The following MAP3K4 variants were observed in gnomAD, a reference collection of about 807,000 sequenced individuals.
The protein encoded by MAP3K4 is mitogen-activated protein kinase kinase kinase 4, also known as MAP three kinase 1.
MAP3K4 carries 67 observed loss-of-function variants against 185.6 expected under a neutral mutation model. The ratio of observed to expected loss-of-function variants is 0.36; its 90% confidence interval spans 0.30 to 0.44. MAP3K4 has a LOEUF of 0.44. MAP3K4 is among the 20% of genes least tolerant of loss of function. MAP3K4 has a pLI of 1.00. For missense variants in MAP3K4, 1,551 were observed against 1,995.1 expected (o/e 0.78, Z 4.24); for synonymous variants, 702 against 710.4 (o/e 0.99, Z 0.19).
intron 2 of MAP3K4, among the ~76,000 whole-genome samples, chr6:161,044,292 C>T (rs1474638463): frequency 3.9e-5 from 6 of 152,172 alleles, no homozygotes; most frequent in Non-Finnish European, 8.8e-5. Flanking sequence ...TTCTATATAG[C>T]TAACTCCTGT....
chr6:161,077,313 TAAAG>T lies in MAP3K4; in HGVS notation c.2098-3564_2098-3561del, dbSNP rs1785224379. Among the ~76,000 whole-genome samples, 2 of 152,158 alleles carry T rather than the reference TAAAG, an allele frequency of 1.3e-5. No homozygotes were observed. Among genetic ancestry groups the T allele is most frequent in the Admixed American group, 6.5e-5 (1 of 15,276 alleles). ...GTACCCCGGAACTTAAAATAAAAAT[TAAAG>T]AAAAATCAACAAGAACATATCTAAA... On this transcript the variant is annotated intron_variant, in intron 5 of 26. Transcript: ENST00000392142. The surrounding 1 kb of genome is among the most constrained non-coding windows in gnomAD (Gnocchi z 4.3).
intron 3 of MAP3K4, among the ~76,000 whole-genome samples, chr6:161,062,249 C>T (rs760830252): frequency 1.3e-4 from 20 of 152,000 alleles, no homozygotes; most frequent in Non-Finnish European, 2.6e-4. Context: ...CTTTTACTGC[C>T]AGTGAAATGC....
rs58659384 is a variant in MAP3K4 at position 161,005,436 on chromosome 6, A to C, written c.152+13353A>C. On this transcript the variant is annotated intron_variant, in intron 1 of 26. Transcript: ENST00000392142. ...ATTAGAGGTGTGAGCCATTGTGCCC[A>C]GCTTTAGACTTAAATTGTGTTTAAT... Among the ~76,000 whole-genome samples, 1,490 of 152,124 alleles carry C rather than the reference A, an allele frequency of 9.8e-3. 30 individuals carry two copies. The highest frequency in any genetic ancestry group is 0.035 in the African/African-American group (1,449 of 41,486).
At position 161,054,670 on chromosome 6, in the gene MAP3K4, C is replaced by G. The variant is rs1404226021; in HGVS notation, c.1707+4691C>G. On this transcript the variant is annotated intron_variant, in intron 3 of 26. Transcript: ENST00000392142. The surrounding 1 kb of genome is among the most constrained non-coding windows in gnomAD (Gnocchi z 4.2). ...ACATTTCTAGTTACATAGGCAGTCT[C>G]TAATTGAAACAAATGGATTAGTTTC... Among the ~76,000 whole-genome samples the G allele has an allele frequency of 6.6e-6, 1 of 152,196 alleles. No individual in the cohort carries two copies. The highest frequency in any genetic ancestry group is 1.5e-5 in the Non-Finnish European group (1 of 68,036).
In MAP3K4 at chr6:161,049,362, A is replaced by C; in HGVS notation, c.1090A>C (p.Ile364Leu). The C allele has an allele frequency of 6.2e-7, 1 of 1,614,192 alleles. No individual in the cohort carries two copies. Among genetic ancestry groups the C allele is most frequent in the Non-Finnish European group, 8.5e-7 (1 of 1,180,028 alleles). The change falls in exon 3 of 27, where the codon ATA becomes CTA. Residue 364 changes from isoleucine to leucine, a missense_variant. Physicochemically the swap from Ile to Leu is conservative, Grantham distance 5. Coordinates refer to ENST00000392142, the MANE Select transcript of MAP3K4 (RefSeq NM_005922.4). The surrounding 1 kb of genome is among the most constrained non-coding windows in gnomAD (Gnocchi z 8.4). ...VKRIMELLEY[I>L]EALYPSLQAL... ...ACGGATAATGGAGCTGCTAGAGTAC[A>C]TAGAAGCACTTTATCCATCATTGCA...
In MAP3K4 at chr6:161,097,625, G is replaced by A. The variant is rs914237718; in HGVS notation, c.3524+449G>A. 6.6e-6 allele frequency among the ~76,000 whole-genome samples: 1 copy of A among 152,176 alleles called. No individual in the cohort carries two copies. The highest frequency in any genetic ancestry group is 2.4e-5 in the African/African-American group (1 of 41,444). On this transcript the variant is annotated intron_variant, in intron 16 of 26. Transcript: ENST00000392142. The surrounding 1 kb of genome is among the most constrained non-coding windows in gnomAD (Gnocchi z 4.9). ...TTACAAAGCAACTTAAACACTAAGT[G>A]AATTCAGAAACTATAGTACATTCAC... is the stretch of plus-strand genomic sequence containing the variant.
chr6:161,107,986 C>G lies in MAP3K4; in HGVS notation c.4119+17C>G. ...ATGAAAGAGGTGAGTCACCTGGCTC[C>G]GTGGGGCCTTTGGGCCTGGCGGCTC... On this transcript the variant is annotated intron_variant, in intron 21 of 26. Transcript: ENST00000392142. This position sits in a 1 kb window ranked among gnomAD's most constrained non-coding sequence, Gnocchi z 6.2. The G allele has an allele frequency of 6.2e-7, 1 of 1,612,666 alleles. No homozygotes were observed. Among genetic ancestry groups the G allele is most frequent in the Non-Finnish European group, 8.5e-7 (1 of 1,179,550 alleles).
chr6:161,110,017 T>C lies in MAP3K4; in HGVS notation c.4396+103T>C. The stretch of plus-strand genomic sequence containing the variant: ...ATCCCATTCCCACATATGATTTCTC[T>C]AGATGGAAATACCTTTCATTGAAAT... On this transcript the variant is annotated intron_variant, in intron 23 of 26. Transcript: ENST00000392142. This position sits in a 1 kb window ranked among gnomAD's most constrained non-coding sequence, Gnocchi z 4.8. 8.3e-7 allele frequency: 1 copy of C among 1,199,668 alleles called. No homozygotes were observed. 74.3% of individuals were successfully genotyped at this position (1,199,668 alleles called of 1,614,324 possible).
At position 161,008,095 on chromosome 6, in the gene MAP3K4, G is replaced by A. The variant is rs186399100; in HGVS notation, c.152+16012G>A. Among the ~76,000 whole-genome samples, 5 of 152,256 alleles carry A rather than the reference G, an allele frequency of 3.3e-5. No individual in the cohort carries two copies. The highest frequency in any genetic ancestry group is 9.6e-5 in the African/African-American group (4 of 41,552). ...AGAAAGGCAGAAAGTGGGATAGAGTGGAAAGTGGGATGCAGTGATGATATT... is the reference window on the plus strand; with the variant it reads ...AGAAAGGCAGAAAGTGGGATAGAGTAGAAAGTGGGATGCAGTGATGATATT... On this transcript the variant is annotated intron_variant, in intron 1 of 26. Transcript: ENST00000392142. This position sits in a 1 kb window ranked among gnomAD's most constrained non-coding sequence, Gnocchi z 4.1.
chr6:161,058,547 G>C (rs1822519), intron 3 of MAP3K4, among the ~76,000 whole-genome samples: 4,107 of 152,142 alleles, frequency 0.027, 124 homozygotes, highest in African/African-American at 0.072. Context: ...TTATTTATTG[G>C]AGTATATTTT....
At chr6:161,015,384 G>A (rs1225270424) in intron 1 of MAP3K4, among the ~76,000 whole-genome samples, 1 of 152,058 alleles carries the variant, frequency 6.6e-6, no homozygotes, top group Non-Finnish European at 1.5e-5. Context: ...GGGTCGATCT[G>A]TGCAGCAAAC....
At chr6:161,012,002 C>G (rs686755) in intron 1 of MAP3K4, among the ~76,000 whole-genome samples, 142,639 of 152,278 alleles carry the variant, frequency 0.94, 67,132 homozygotes, top group African/African-American at 0.97. Context: ...TAGGCTCAGA[C>G]AGCTTTTTGA....
chr6:161,009,554 A>G (rs73591481), intron 1 of MAP3K4, among the ~76,000 whole-genome samples: 3,732 of 152,224 alleles, frequency 0.025, 177 homozygotes, highest in African/African-American at 0.086. Flanking sequence ...CATCCATGTT[A>G]CGGGGTGTCA....
chr6:161,041,933 T>C (rs1182325911), intron 2 of MAP3K4, among the ~76,000 whole-genome samples: 4 of 128,598 alleles, frequency 3.1e-5, no homozygotes, highest in Admixed American at 7.4e-5. Context: ...TTTCTTTTTT[T>C]TTTTTTTAGA....
rs1778074170 is a variant in MAP3K4 at position 161,106,405 on chromosome 6, T to C, written c.3857-109T>C. ...GTTTATCTGAATAGATAATAAGCTT[T>C]GCTGTAATGGAGTGCTAATATATAT... On this transcript the variant is annotated intron_variant, in intron 19 of 26. Coordinates refer to ENST00000392142, the MANE Select transcript of MAP3K4 (RefSeq NM_005922.4). This position sits in a 1 kb window ranked among gnomAD's most constrained non-coding sequence, Gnocchi z 4.9. 3 of 700,816 alleles carry C rather than the reference T, an allele frequency of 4.3e-6. No homozygotes were observed. The highest frequency in any genetic ancestry group is 7.0e-6 in the Non-Finnish European group (3 of 427,778). 43.4% of individuals were successfully genotyped at this position (700,816 alleles called of 1,614,324 possible). A position where few individuals can be genotyped will look rare whatever the true frequency, so the allele number is the denominator to read the frequency against.
Position 161,091,609 on chromosome 6 carries a change from G to T in MAP3K4, c.3135+69G>T. On this transcript the variant is annotated intron_variant, in intron 12 of 26. Coordinates refer to ENST00000392142, the MANE Select transcript of MAP3K4 (RefSeq NM_005922.4). This position sits in a 1 kb window ranked among gnomAD's most constrained non-coding sequence, Gnocchi z 5.5. ...CTTGATAACTTACAGAAAGTTTTTG[G>T]AACCTTTTACAGTAAATCTGATATT... is the stretch of plus-strand genomic sequence containing the variant. The T allele has an allele frequency of 7.1e-7, 1 of 1,404,980 alleles. No homozygotes were observed. Among genetic ancestry groups the T allele is most frequent in the Non-Finnish European group, 9.8e-7 (1 of 1,016,706 alleles). The allele number at this position is 1,404,980 out of a possible 1,614,324, so 87.0% of individuals were successfully genotyped here. A position where few individuals can be genotyped will look rare whatever the true frequency, so the allele number is the denominator to read the frequency against.
rs1041501237 is a variant in MAP3K4, at chr6:161,096,243, A to G, written c.3428-837A>G. 5.9e-5 allele frequency among the ~76,000 whole-genome samples: 9 copies of G among 151,876 alleles called. No homozygotes were observed. The highest frequency in any genetic ancestry group is 2.2e-4 in the African/African-American group (9 of 41,182). ...TTATTAATAGGAAACAAAATCATGA[A>G]GAAACAGGATTTCCATTTAGGATAA... On this transcript the variant is annotated intron_variant, in intron 15 of 26. Transcript: ENST00000392142. This position sits in a 1 kb window ranked among gnomAD's most constrained non-coding sequence, Gnocchi z 4.9.
rs1783602612 is a variant in MAP3K4, at chr6:161,043,870, C to A, written c.344-4746C>A. 6.6e-6 allele frequency among the ~76,000 whole-genome samples: 1 copy of A among 152,044 alleles called. No individual in the cohort carries two copies. Among genetic ancestry groups the A allele is most frequent in the South Asian group, 2.1e-4 (1 of 4,822 alleles). ...TCTGTTTACATCTCATTTGAGAGCT[C>A]AAATAAGGCTGGTTTCTAAAATTTG... On this transcript the variant is annotated intron_variant, in intron 2 of 26. Transcript: ENST00000392142. The surrounding 1 kb of genome is among the most constrained non-coding windows in gnomAD (Gnocchi z 4.3).
chr6:161,059,014 T>C (rs1039606754), intron 3 of MAP3K4, among the ~76,000 whole-genome samples: 3 of 152,214 alleles, frequency 2.0e-5, no homozygotes, highest in African/African-American at 7.2e-5. Flanking sequence ...ACATCTTTGA[T>C]ATGTATTGCC....
Sources: gnomAD v4.1 joint callset for allele counts (sites outside exome capture counted in the v4.1 genomes callset) on GRCh38, gnomAD v4.1.1 for gene constraint, Gnocchi (gnomAD v3.1) non-coding constraint, MANE v1.5 for transcripts, NCBI Gene and HGNC (gene_info 2026-07-23, HGNC 2026-07-21) for gene names.